Variants in CNOT2 observed in about 807,000 individuals in gnomAD.
The protein encoded by CNOT2 is CCR4-NOT transcription complex subunit 2.
Under a neutral mutation model 72.1 loss-of-function variants are expected in CNOT2, and 7 were observed. The ratio of observed to expected loss-of-function variants is 0.10; its 90% CI spans 0.06 to 0.18. CNOT2 has a LOEUF of 0.18. Among genes scored for constraint, CNOT2 ranks in the 10% least tolerant of loss-of-function variants. The probability of loss-of-function intolerance (pLI) is 1.00; values close to 1 mark genes in which losing one functional copy is unlikely to be tolerated. For synonymous variants in CNOT2, 196 were observed against 225.6 expected (o/e 0.87, Z 1.17); for missense variants, 345 against 660.3 (o/e 0.52, Z 5.23).
chr12:70,249,750 T>G (rs1419067867), intron 1 of CNOT2, among the ~76,000 whole-genome samples: 1 of 152,046 alleles, frequency 6.6e-6, no homozygotes, highest in Non-Finnish European at 1.5e-5. Context: ...ATTAGAAACA[T>G]TCACTGAGAA....
intron 2 of CNOT2, among the ~76,000 whole-genome samples, chr12:70,308,427 C>T (rs1273114083): frequency 6.6e-6 from 1 of 152,110 alleles, no homozygotes; most frequent in African/African-American, 2.4e-5. Flanking sequence ...GTCTTTCTCT[C>T]TGTCTCACTC....
At position 70,330,243 on chromosome 12, in the gene CNOT2, G is replaced by A. The variant is rs201553081; in HGVS notation, c.387-44G>A. 1,509 of 901,008 alleles carry A rather than the reference G, an allele frequency of 1.7e-3. 4 individuals are homozygous for A. The highest frequency in any genetic ancestry group is 2.2e-3 in the Non-Finnish European group (1,309 of 585,060). The allele number at this position is 901,008 out of a possible 1,614,324, so 55.8% of individuals were successfully genotyped here. On this transcript the variant is annotated intron_variant, in intron 5 of 15. Transcript: ENST00000229195. ...GATTATTTAAAGAGAATTTTAATGA[G>A]TGATTGTAGAGAGCTTATTTAGTAT...
chr12:70,339,719 C>G (rs1209130396), intron 11 of CNOT2, among the ~76,000 whole-genome samples: 1 of 152,152 alleles, frequency 6.6e-6, no homozygotes. Flanking sequence ...ATGCAACTAT[C>G]GTACACTTCT....
rs971589905 is a variant in CNOT2, at chr12:70,288,179, T to C, written c.48+9905T>C. 1.5e-5 allele frequency among the ~76,000 whole-genome samples: 2 copies of C among 137,720 alleles called. 1 individual carries two copies. The highest frequency in any genetic ancestry group is 5.1e-5 in the African/African-American group (2 of 39,104). The allele number at this position is 137,720 out of a possible 152,430, so 90.3% of individuals were successfully genotyped here. A position where few individuals can be genotyped will look rare whatever the true frequency, so the allele number is the denominator to read the frequency against. ...TTTTTTTGAAACGGAGTTTCGCTCT[T>C]GTTGCCTAGGCTGGAGTGCAATGGT... On this transcript the variant is annotated intron_variant, in intron 2 of 15. Coordinates refer to ENST00000229195, the MANE Select transcript of CNOT2 (RefSeq NM_014515.7).
Position 70,278,152 on chromosome 12 carries a change from C to G in CNOT2, c.-75C>G. The stretch of plus-strand genomic sequence containing the variant: ...TCTAGAGGGAGACGTGGTGGGCGGT[C>G]CTTCCTGTGACACGACCCTTGAGTG... On this transcript the variant is annotated 5_prime_UTR_variant, in exon 2 of 16. Transcript: ENST00000229195. 1.8e-6 allele frequency: 2 copies of G among 1,113,790 alleles called. No homozygotes were observed. Among genetic ancestry groups the G allele is most frequent in the Non-Finnish European group, 2.7e-6 (2 of 737,174 alleles). 69.0% of individuals were successfully genotyped at this position (1,113,790 alleles called of 1,614,324 possible). A position where few individuals can be genotyped will look rare whatever the true frequency, so the allele number is the denominator to read the frequency against.
intron 3 of CNOT2, 46 bp from the exon 4 acceptor site, chr12:70,319,252 T>C (rs1877886462): frequency 6.5e-7 from 1 of 1,533,968 alleles, no homozygotes; most frequent in Non-Finnish European, 9.0e-7. Flanking sequence ...AATGCAATGC[T>C]CTGCTCTGTT....
chr12:70,279,963 C>T (rs979140301), intron 2 of CNOT2, among the ~76,000 whole-genome samples: 1 of 152,026 alleles, frequency 6.6e-6, no homozygotes, highest in African/African-American at 2.4e-5. Flanking sequence ...TTTGCTGCCT[C>T]AAAATGTTTT....
At chr12:70,264,205 G>T (rs1283890365) in intron 1 of CNOT2, among the ~76,000 whole-genome samples, 3 of 152,116 alleles carry the variant, frequency 2.0e-5, no homozygotes, top group Non-Finnish European at 4.4e-5. Flanking sequence ...AACTGCGGAG[G>T]TCTGTTCCTA....
At chr12:70,266,397 A>G (rs988007432) in intron 1 of CNOT2, among the ~76,000 whole-genome samples, 1 of 152,216 alleles carries the variant, frequency 6.6e-6, no homozygotes, top group Non-Finnish European at 1.5e-5. Context: ...TGCTGGGATT[A>G]CAGGCGTGAG....
At chr12:70,283,716 TC>T (rs1158417589) in intron 2 of CNOT2, among the ~76,000 whole-genome samples, 2 of 150,878 alleles carry the variant, frequency 1.3e-5, no homozygotes, top group Non-Finnish European at 3.0e-5. Context: ...TCTTCTTTGC[TC>T]TTGAAAGCCT....
intron 1 of CNOT2, among the ~76,000 whole-genome samples, chr12:70,276,663 T>A (rs930516067): frequency 1.9e-4 from 29 of 152,020 alleles, no homozygotes; most frequent in African/African-American, 6.8e-4. Context: ...CATTGCTTGC[T>A]AAATGATAAA....
At position 70,287,752 on chromosome 12, in the gene CNOT2, G is replaced by A. The variant is rs1033536854; in HGVS notation, c.48+9478G>A. Among the ~76,000 whole-genome samples, 4 of 149,774 alleles carry A rather than the reference G, an allele frequency of 2.7e-5. No individual in the cohort carries two copies. In the South Asian group the frequency reaches 8.7e-4, roughly 33 times the overall value. On this transcript the variant is annotated intron_variant, in intron 2 of 15. Coordinates refer to ENST00000229195, the MANE Select transcript of CNOT2 (RefSeq NM_014515.7). ...TTAGCCTGTGATAAATCCAACAATT[G>A]GAAGTTGTCACATATTATGCTAATG... is the stretch of plus-strand genomic sequence containing the variant.
At chr12:70,273,778 C>CCTGA (rs1478604427) in intron 1 of CNOT2, among the ~76,000 whole-genome samples, 7 of 152,036 alleles carry the variant, frequency 4.6e-5, no homozygotes, top group African/African-American at 1.7e-4. Context: ...TTTAGATAGA[C>CCTGA]CTGACTCTCT....
At position 70,342,314 on chromosome 12, in the gene CNOT2, G is replaced by C; in HGVS notation, c.1290+7G>C. 1 of 1,612,734 alleles carries C rather than the reference G, an allele frequency of 6.2e-7. No homozygotes were observed. Among genetic ancestry groups the C allele is most frequent in the Non-Finnish European group, 8.5e-7 (1 of 1,179,472 alleles). ...CATTCACATTAGGGATAAGGTGAGT[G>C]TAGTTTATTATTCTACTCAGTCAGC... On this transcript the variant is annotated splice_region_variant and intron_variant, in intron 13 of 15. Coordinates refer to ENST00000229195, the MANE Select transcript of CNOT2 (RefSeq NM_014515.7).
chr12:70,334,988 A>T (rs1880478170), intron 7 of CNOT2: 1 of 155,424 alleles, frequency 6.4e-6, no homozygotes, highest in Non-Finnish European at 1.4e-5. Context: ...TGCCTCAGCT[A>T]TATCTTTCTG....
intron 1 of CNOT2, among the ~76,000 whole-genome samples, chr12:70,247,678 T>C (rs1263037362): frequency 3.3e-5 from 5 of 152,232 alleles, no homozygotes; most frequent in African/African-American, 1.2e-4. Flanking sequence ...TGTATTGTAA[T>C]TTACTGTCCA....
intron 2 of CNOT2, among the ~76,000 whole-genome samples, chr12:70,287,428 T>TA (rs960669417): frequency 4.0e-5 from 6 of 149,914 alleles, no homozygotes; most frequent in African/African-American, 1.5e-4. Context: ...TCTTTAATCT[T>TA]ACGTTTTTAA....
At chr12:70,259,512 A>G (rs952850848) in intron 1 of CNOT2, among the ~76,000 whole-genome samples, 20 of 152,162 alleles carry the variant, frequency 1.3e-4, no homozygotes, top group African/African-American at 3.6e-4. Context: ...CACTGATTCC[A>G]TGGAGACCCC....
chr12:70,245,641 C>CA (rs1957843594), intron 1 of CNOT2, among the ~76,000 whole-genome samples: 1 of 151,982 alleles, frequency 6.6e-6, no homozygotes, highest in African/African-American at 2.4e-5. Flanking sequence ...AAAATGAGGG[C>CA]AAAATGCTTG....
Sources: gnomAD v4.1 joint callset for allele counts (sites outside exome capture counted in the v4.1 genomes callset) on GRCh38, gnomAD v4.1.1 for gene constraint, MANE v1.5 for transcripts, NCBI Gene and HGNC (gene_info 2026-07-23, HGNC 2026-07-21) for gene names.